TMEM132D: variants seen among roughly 807,000 people sequenced by gnomAD.
TMEM132D encodes the protein mature OL transmembrane protein.
TMEM132D carries 21 observed loss-of-function variants against 62.3 expected under a neutral mutation model. The observed-to-expected ratio is 0.34, with a 90% CI of 0.24 to 0.49. The LOEUF is 0.49. Ranked by LOEUF, TMEM132D falls within the 20% of genes least tolerant of loss-of-function variation. TMEM132D has a pLI of 0.99. For missense variants in TMEM132D, 1,346 were observed against 1,402.8 expected, an observed-to-expected ratio of 0.96 and a Z score of 0.65; for synonymous variants, 621 against 575.6, an observed-to-expected ratio of 1.08 and a Z score of -1.13.
At chr12:129,622,024 A>C (rs1051556470) in intron 2 of TMEM132D, among the ~76,000 whole-genome samples, 1 of 152,222 alleles carries the variant, frequency 6.6e-6, no homozygotes, top group Non-Finnish European at 1.5e-5. Context: ...GAAACCCTCA[A>C]GTGTTACCCA....
chr12:129,249,533 G>A (rs762842960), intron 4 of TMEM132D, among the ~76,000 whole-genome samples: 2 of 152,300 alleles, frequency 1.3e-5, no homozygotes, highest in African/African-American at 2.4e-5. Flanking sequence ...GTCCAGGTAA[G>A]GTTGACATTC....
chr12:129,787,799 A>G (rs1314033161), intron 1 of TMEM132D, among the ~76,000 whole-genome samples: 1 of 152,140 alleles, frequency 6.6e-6, no homozygotes, highest in Non-Finnish European at 1.5e-5. Context: ...CACTTGGGGG[A>G]AGAGAAATGC....
chr12:129,731,022 T>C (rs573704477), intron 1 of TMEM132D, among the ~76,000 whole-genome samples: 7 of 152,302 alleles, frequency 4.6e-5, no homozygotes, highest in Admixed American at 1.3e-4. Flanking sequence ...ATCCGCTTTA[T>C]ATATACATCT....
intron 3 of TMEM132D, among the ~76,000 whole-genome samples, chr12:129,450,125 C>G: frequency 6.6e-6 from 1 of 152,112 alleles, no homozygotes; most frequent in Non-Finnish European, 1.5e-5. Context: ...GTCAGATGCA[C>G]AGTTTGTAAA....
intron 2 of TMEM132D, among the ~76,000 whole-genome samples, chr12:129,685,834 G>A (rs1205895578): frequency 1.3e-5 from 2 of 152,220 alleles, no homozygotes; most frequent in Non-Finnish European, 2.9e-5. Flanking sequence ...GCATCAGTGT[G>A]ATCTGGATGT....
At chr12:129,453,058 A>G (rs1207360537) in intron 3 of TMEM132D, among the ~76,000 whole-genome samples, 1 of 152,288 alleles carries the variant, frequency 6.6e-6, no homozygotes, top group Middle Eastern at 3.4e-3. Context: ...GCAGCATTAG[A>G]TTCTCATAGG....
intron 2 of TMEM132D, among the ~76,000 whole-genome samples, chr12:129,567,438 G>A (rs269159): frequency 0.54 from 82,671 of 151,898 alleles, 23,128 homozygotes; most frequent in East Asian, 0.92. Context: ...TTTTAGTGTA[G>A]TATTAAAAAA....
chr12:129,245,974 T>C (rs1234939544), intron 4 of TMEM132D, among the ~76,000 whole-genome samples: 1 of 152,130 alleles, frequency 6.6e-6, no homozygotes, highest in Non-Finnish European at 1.5e-5. Flanking sequence ...ACGTCATCTG[T>C]CTGCACTGAG....
chr12:129,553,785 G>T (rs915322457), intron 2 of TMEM132D, among the ~76,000 whole-genome samples: 2 of 152,116 alleles, frequency 1.3e-5, no homozygotes, highest in African/African-American at 4.8e-5. Context: ...CAGTTCCCTG[G>T]TCATGCTATT....
chr12:129,586,482 A>G (rs1198514967), intron 2 of TMEM132D, among the ~76,000 whole-genome samples: 2 of 152,160 alleles, frequency 1.3e-5, no homozygotes, highest in Non-Finnish European at 2.9e-5. Context: ...GACTCCTCAC[A>G]CTTCCGGAGC....
intron 4 of TMEM132D, among the ~76,000 whole-genome samples, chr12:129,309,273 C>G (rs1339184987): frequency 6.6e-6 from 1 of 152,050 alleles, no homozygotes; most frequent in African/African-American, 2.4e-5. Flanking sequence ...CATGTTCTTT[C>G]TTTAGTTGTT....
intron 3 of TMEM132D, among the ~76,000 whole-genome samples, chr12:129,528,546 A>G (rs1876124466): frequency 6.6e-6 from 1 of 152,140 alleles, no homozygotes; most frequent in Admixed American, 6.5e-5. Context: ...CGCAGTTGCC[A>G]GTCCTTTGTG....
intron 4 of TMEM132D, among the ~76,000 whole-genome samples, chr12:129,264,665 C>T (rs941748886): frequency 1.3e-5 from 2 of 152,144 alleles, no homozygotes; most frequent in African/African-American, 4.8e-5. Flanking sequence ...GTGGAACCAA[C>T]CCAAATGCCC....
chr12:129,724,841 C>CTAAGTT (rs1293853941), intron 1 of TMEM132D, among the ~76,000 whole-genome samples: 1 of 152,148 alleles, frequency 6.6e-6, no homozygotes, highest in African/African-American at 2.4e-5. Context: ...TTTTAAGCTA[C>CTAAGTT]TAAGTTTGTG....
intron 2 of TMEM132D, among the ~76,000 whole-genome samples, chr12:129,645,288 C>T (rs1593102963): frequency 6.6e-6 from 1 of 152,300 alleles, no homozygotes; most frequent in East Asian, 1.9e-4. Context: ...CTTTCTCTCT[C>T]TCTTAATCTG....
At chr12:129,639,685 G>T (rs1489304662) in intron 2 of TMEM132D, among the ~76,000 whole-genome samples, 1 of 152,006 alleles carries the variant, frequency 6.6e-6, no homozygotes, top group Non-Finnish European at 1.5e-5. Flanking sequence ...ACCTGCTCAG[G>T]ACCCTCCAGT....
chr12:129,176,318 T>A (rs1402612075), intron 5 of TMEM132D, among the ~76,000 whole-genome samples: 4 of 152,222 alleles, frequency 2.6e-5, no homozygotes, highest in Non-Finnish European at 5.9e-5. Flanking sequence ...ATGTAAGCAA[T>A]TGGATTCCCA....
At chr12:129,269,075 C>G (rs888006654) in intron 4 of TMEM132D, among the ~76,000 whole-genome samples, 1 of 151,304 alleles carries the variant, frequency 6.6e-6, no homozygotes, top group African/African-American at 2.4e-5. Context: ...TGCTAAATGA[C>G]GAGTTAATGG....
At chr12:129,726,017 G>A (rs950860680) in intron 1 of TMEM132D, among the ~76,000 whole-genome samples, 7 of 152,222 alleles carry the variant, frequency 4.6e-5, no homozygotes, top group Non-Finnish European at 1.5e-5. Context: ...GGATATGCAT[G>A]TCACCAGTCC....
Sources: allele counts gnomAD v4.1 joint callset (sites outside exome capture counted in the v4.1 genomes callset), GRCh38; gene constraint gnomAD v4.1.1; transcripts MANE v1.5; gene names NCBI Gene and HGNC (gene_info 2026-07-23, HGNC 2026-07-21).